Variants in PEX7 observed in about 807,000 individuals in gnomAD.
PEX7 encodes the protein peroxisomal biogenesis factor 7, also known as PTS2 receptor.
Under a neutral mutation model 47.5 loss-of-function variants are expected in PEX7, and 34 were observed. The ratio of observed to expected loss-of-function variants is 0.72; its 90% CI spans 0.54 to 0.95. PEX7 has a LOEUF of 0.95. Among genes scored for constraint, PEX7 ranks in the 40% least tolerant of loss-of-function variants. PEX7 has a pLI of 0.00. For synonymous variants in PEX7, 141 were observed against 148.8 expected, an observed-to-expected ratio of 0.95 and a Z score of 0.38; for missense variants, 394 against 400.3, an observed-to-expected ratio of 0.98 and a Z score of 0.13.
chr6:136,846,598 G>GT (rs1774607372), intron 5 of PEX7, among the ~76,000 whole-genome samples: 1 of 152,148 alleles, frequency 6.6e-6, no homozygotes, highest in East Asian at 1.9e-4. Context: ...GCGGTGTTTG[G>GT]TTTTCTGTCC....
intron 1 of PEX7, among the ~76,000 whole-genome samples, chr6:136,824,761 A>T (rs1024296774): frequency 2.6e-5 from 4 of 152,180 alleles, no homozygotes; most frequent in African/African-American, 9.7e-5. Flanking sequence ...TTGTTTTAAA[A>T]TCCTGTGTGA....
chr6:136,910,972 C>T (rs929356621), intron 9 of PEX7, among the ~76,000 whole-genome samples: 9 of 152,056 alleles, frequency 5.9e-5, no homozygotes, highest in African/African-American at 2.2e-4. Flanking sequence ...GTTTAGTTAT[C>T]GCTAACATTA....
chr6:136,823,602 A>G (rs2115125353), intron 1 of PEX7, among the ~76,000 whole-genome samples: 1 of 152,154 alleles, frequency 6.6e-6, no homozygotes, highest in Non-Finnish European at 1.5e-5. Context: ...AAAAAGAAAA[A>G]AGGCCAAGCG....
chr6:136,871,452 T>C (rs577750347), intron 7 of PEX7, among the ~76,000 whole-genome samples: 72 of 152,368 alleles, frequency 4.7e-4, no homozygotes, highest in Admixed American at 1.1e-3. Flanking sequence ...AACGTGATTA[T>C]AGCAATCATA....
At chr6:136,889,992 T>C (rs938830799) in intron 8 of PEX7, among the ~76,000 whole-genome samples, 2 of 152,226 alleles carry the variant, frequency 1.3e-5, no homozygotes, top group African/African-American at 2.4e-5. Context: ...GCCTATTTAC[T>C]TAGACCAACT....
intron 3 of PEX7, chr6:136,830,089 C>T (rs563069019): frequency 3.1e-5 from 22 of 700,142 alleles, no homozygotes; most frequent in Admixed American, 2.2e-4. Flanking sequence ...ATAATAAAGA[C>T]GTATAGCATG....
In PEX7 at chr6:136,849,052, G is replaced by A. The variant is rs548880119; in HGVS notation, c.526+2871G>A. Among the ~76,000 whole-genome samples, 301 of 152,108 alleles carry A rather than the reference G, an allele frequency of 2.0e-3. 3 individuals carry two copies. Among genetic ancestry groups the A allele is most frequent in the African/African-American group, 6.5e-3 (270 of 41,516 alleles). ...GAGCCTGTTATTGGTGTATTCAGGGGTTCAGCTTCTTCCTGGTTTAGTCTT... is the reference window on the plus strand; with the variant it reads ...GAGCCTGTTATTGGTGTATTCAGGGATTCAGCTTCTTCCTGGTTTAGTCTT... On this transcript the variant is annotated intron_variant, in intron 5 of 9. Transcript: ENST00000318471.
At chr6:136,825,782 A>C (rs1562725636) in intron 2 of PEX7, among the ~76,000 whole-genome samples, 1 of 152,042 alleles carries the variant, frequency 6.6e-6, no homozygotes, top group Non-Finnish European at 1.5e-5. Context: ...TGATCTGCCC[A>C]CCTTGGCCTC....
intron 8 of PEX7, among the ~76,000 whole-genome samples, chr6:136,894,589 CA>C (rs936863586): frequency 6.6e-6 from 1 of 151,138 alleles, no homozygotes. Context: ...GACTCCATCT[CA>C]AAAAAAATAA....
chr6:136,858,741 T>A (rs1369243414), intron 5 of PEX7, among the ~76,000 whole-genome samples: 1 of 152,328 alleles, frequency 6.6e-6, no homozygotes, highest in Non-Finnish European at 1.5e-5. Context: ...ACTCAACTCT[T>A]TTTTTAAAAA....
intron 8 of PEX7, among the ~76,000 whole-genome samples, chr6:136,877,259 T>G (rs1291601667): frequency 3.3e-5 from 5 of 152,166 alleles, no homozygotes; most frequent in Non-Finnish European, 7.4e-5. Flanking sequence ...TCCCATTCTG[T>G]AGGCTGCCTG....
chr6:136,905,561 A>G lies in PEX7; in HGVS notation c.903+7320A>G, dbSNP rs1393697818. 6.6e-5 allele frequency among the ~76,000 whole-genome samples: 10 copies of G among 152,222 alleles called. No homozygotes were observed. In the East Asian group the frequency reaches 7.7e-4, roughly 12 times the overall value. On this transcript the variant is annotated intron_variant, in intron 9 of 9. Transcript: ENST00000318471. The stretch of plus-strand genomic sequence containing the variant: ...TTTCAGACTTTTTTCTTATTTAGCC[A>G]TATAATTTTGATATTTGAAAAAAAT...
intron 5 of PEX7, chr6:136,855,928 C>T (rs553415588): frequency 4.2e-4 from 88 of 211,726 alleles, no homozygotes; most frequent in Non-Finnish European, 6.7e-4. Context: ...ATTTTTTGGA[C>T]GTCAGTCAGA....
intron 9 of PEX7, among the ~76,000 whole-genome samples, chr6:136,905,135 G>A (rs986526353): frequency 6.6e-6 from 1 of 152,164 alleles, no homozygotes; most frequent in Non-Finnish European, 1.5e-5. Context: ...TCTACTTACT[G>A]TTAGAAGAGA....
At chr6:136,829,243 C>T (rs1774250388) in intron 3 of PEX7, among the ~76,000 whole-genome samples, 1 of 152,138 alleles carries the variant, frequency 6.6e-6, no homozygotes. Flanking sequence ...AGACTGGGTG[C>T]CTTATAAAGA....
intron 5 of PEX7, among the ~76,000 whole-genome samples, chr6:136,848,982 G>A (rs919034931): frequency 6.6e-6 from 1 of 152,092 alleles, no homozygotes; most frequent in East Asian, 1.9e-4. Context: ...GTCTGGTTCT[G>A]GAGTTTTCTT....
In PEX7 at chr6:136,891,058, A is replaced by G. The variant is rs77339069; in HGVS notation, c.804-7084A>G. ...TACCAGTAAGCAATACACAAACCGC[A>G]TAGGAGTTTTGCCTCTTTTCCTTTA... On this transcript the variant is annotated intron_variant, in intron 8 of 9. Coordinates refer to ENST00000318471, the MANE Select transcript of PEX7 (RefSeq NM_000288.4). 6.4e-3 allele frequency among the ~76,000 whole-genome samples: 973 copies of G among 152,306 alleles called. 16 individuals are homozygous for G. Among genetic ancestry groups the G allele is most frequent in the Non-Finnish European group, 6.9e-3 (470 of 68,022 alleles).
chr6:136,906,196 C>T lies in PEX7; in HGVS notation c.904-7262C>T, dbSNP rs374679246. 4.9e-4 allele frequency among the ~76,000 whole-genome samples: 74 copies of T among 152,214 alleles called. 1 individual carries two copies. Among genetic ancestry groups the T allele is most frequent in the African/African-American group, 1.8e-3 (74 of 41,532 alleles). ...AAGGTGAGAACTGCCACCATCACCA[C>T]TGTAAATGAACATGGTTCTAAAAAT... is the stretch of plus-strand genomic sequence containing the variant. On this transcript the variant is annotated intron_variant, in intron 9 of 9. Coordinates refer to ENST00000318471, the MANE Select transcript of PEX7 (RefSeq NM_000288.4).
At chr6:136,837,406 C>T (rs904178901) in intron 3 of PEX7, among the ~76,000 whole-genome samples, 10 of 139,414 alleles carry the variant, frequency 7.2e-5, no homozygotes, top group African/African-American at 2.7e-4. Context: ...GAGAGAAAAG[C>T]GTTATGAGAA....
Sources: gnomAD v4.1 joint callset for allele counts (sites outside exome capture counted in the v4.1 genomes callset) on GRCh38, gnomAD v4.1.1 for gene constraint, MANE v1.5 for transcripts, NCBI Gene and HGNC (gene_info 2026-07-23, HGNC 2026-07-21) for gene names.